Variants in KIF1A observed in about 807,000 individuals in gnomAD.
KIF1A encodes kinesin family member 1A.
KIF1A carries 46 observed loss-of-function variants against 227.3 expected under a neutral mutation model. That is an observed-to-expected ratio of 0.20 (90% CI 0.16 to 0.26). The LOEUF is 0.26. Ranked by LOEUF, KIF1A falls within the 10% of genes least tolerant of loss-of-function variation. The probability of loss-of-function intolerance (pLI) is 1.00; values close to 1 mark genes in which losing one functional copy is unlikely to be tolerated. For synonymous variants in KIF1A, 1,022 were observed against 1,012.8 expected, an observed-to-expected ratio of 1.01 and a Z score of -0.17; for missense variants, 1,683 against 2,485.9, an observed-to-expected ratio of 0.68 and a Z score of 6.87.
In KIF1A at chr2:240,789,263, A is replaced by G. The variant is rs772512390; in HGVS notation, c.156T>C (p.Phe52=). 8.1e-6 allele frequency: 13 copies of G among 1,613,792 alleles called. No individual in the cohort carries two copies. The highest frequency in any genetic ancestry group is 1.0e-5 in the Non-Finnish European group (12 of 1,179,804). Residue 52 remains phenylalanine (F), a synonymous_variant, in exon 3 of 49, where the codon TTT becomes TTC. Coordinates refer to ENST00000498729, the MANE Select transcript of KIF1A (RefSeq NM_001244008.2). The surrounding 1 kb of genome is among the most constrained non-coding windows in gnomAD (Gnocchi z 4.8). Reference sequence around the variant, plus strand: ...AGGTGTGCGACCAGTAGGAGTAGTCAAAGCTGAAGCTTTTGGGCGTCTCCT... The same window carrying G: ...AGGTGTGCGACCAGTAGGAGTAGTCGAAGCTGAAGCTTTTGGGCGTCTCCT... ...QPKETPKSFS[F]DYSYWSHTSP...
At chr2:240,745,343 G>A in intron 32 of KIF1A, 84 bp downstream of exon 32, 1 of 1,082,250 alleles carries the variant, frequency 9.2e-7, no homozygotes, top group East Asian at 2.4e-5. Flanking sequence ...CTGGTGTTCA[G>A]AAGAGGGAGA....
At chr2:240,809,743 G>C (rs1351084280) in intron 1 of KIF1A, among the ~76,000 whole-genome samples, 1 of 147,066 alleles carries the variant, frequency 6.8e-6, no homozygotes, top group South Asian at 2.1e-4. Context: ...ATCTTGGCTC[G>C]CTGCAACCTC....
intron 10 of KIF1A, among the ~76,000 whole-genome samples, chr2:240,777,533 G>A (rs920815194): frequency 8.6e-5 from 13 of 151,878 alleles, no homozygotes; most frequent in African/African-American, 2.7e-4. Context: ...GGACCACCCC[G>A]CTCTCCCGTC....
chr2:240,789,697 C>T lies in KIF1A; in HGVS notation c.107-385G>A, dbSNP rs1247763422. On this transcript the variant is annotated intron_variant, in intron 2 of 48. Coordinates refer to ENST00000498729, the MANE Select transcript of KIF1A (RefSeq NM_001244008.2). This position sits in a 1 kb window ranked among gnomAD's most constrained non-coding sequence, Gnocchi z 4.8. ...CCCCTGCCCTGCCCCGCCCCCTGCT[C>T]AGGCCTTTATGCTCCGGCTCAGCGT... is the stretch of plus-strand genomic sequence containing the variant. Among the ~76,000 whole-genome samples the T allele has an allele frequency of 6.6e-6, 1 of 152,192 alleles. No homozygotes were observed. Among genetic ancestry groups the T allele is most frequent in the African/African-American group, 2.4e-5 (1 of 41,450 alleles).
At chr2:240,765,620 T>C (rs2051074301) in intron 20 of KIF1A, 90 bp downstream of exon 20, 2 of 1,043,642 alleles carry the variant, frequency 1.9e-6, no homozygotes, top group Admixed American at 3.9e-5. Flanking sequence ...TCCCGCACAG[T>C]GCACAGGAGG....
chr2:240,808,855 C>T (rs1309203572), intron 1 of KIF1A, among the ~76,000 whole-genome samples: 5 of 151,918 alleles, frequency 3.3e-5, no homozygotes, highest in South Asian at 2.1e-4. Context: ...CTCAGCCTCC[C>T]GAGTAGTTGG....
chr2:240,721,910 A>G (rs1326241296), intron 43 of KIF1A, 26 bp from the exon 44 acceptor site: 1 of 1,581,492 alleles, frequency 6.3e-7, no homozygotes, highest in Non-Finnish European at 8.6e-7. Context: ...ACGCGTGGTC[A>G]GGGGCCAGGC....
At position 240,766,289 on chromosome 2, in the gene KIF1A, C is replaced by T. The variant is rs2051164934; in HGVS notation, c.1685-496G>A. The stretch of plus-strand genomic sequence containing the variant: ...GCTGGCTGGATGCTGCCGGGAGATG[C>T]CCTTAGCCTGGGCTGTGGGCCATGT... On this transcript the variant is annotated intron_variant, in intron 19 of 48. Transcript: ENST00000498729. This position sits in a 1 kb window ranked among gnomAD's most constrained non-coding sequence, Gnocchi z 5.0. Among the ~76,000 whole-genome samples the T allele has an allele frequency of 6.6e-6, 1 of 152,228 alleles. No homozygotes were observed. The highest frequency in any genetic ancestry group is 2.1e-4 in the South Asian group (1 of 4,828).
At chr2:240,777,624 G>T (rs563850842) in intron 10 of KIF1A, among the ~76,000 whole-genome samples, 22 of 152,212 alleles carry the variant, frequency 1.4e-4, no homozygotes, top group Admixed American at 1.4e-3. Context: ...ACCTGCTCCC[G>T]ACCTATCCGT....
At position 240,739,440 on chromosome 2, in the gene KIF1A, T is replaced by G. The variant is rs2047710546; in HGVS notation, c.3901+618A>C. On this transcript the variant is annotated intron_variant, in intron 37 of 48. Coordinates refer to ENST00000498729, the MANE Select transcript of KIF1A (RefSeq NM_001244008.2). The surrounding 1 kb of genome is among the most constrained non-coding windows in gnomAD (Gnocchi z 5.6). The stretch of plus-strand genomic sequence containing the variant: ...CCCCGAAAAATATACGTGGAAGTCC[T>G]AACCTCCAGGACCTTCAAAGGGGAC... 6.6e-6 allele frequency among the ~76,000 whole-genome samples: 1 copy of G among 152,222 alleles called. No individual in the cohort carries two copies. Among genetic ancestry groups the G allele is most frequent in the Admixed American group, 6.5e-5 (1 of 15,288 alleles).
In KIF1A at chr2:240,775,497, C is replaced by T. The variant is rs539296659; in HGVS notation, c.958+354G>A. 1.3e-5 allele frequency among the ~76,000 whole-genome samples: 2 copies of T among 152,292 alleles called. No homozygotes were observed. Among genetic ancestry groups the T allele is most frequent in the African/African-American group, 2.4e-5 (1 of 41,566 alleles). On this transcript the variant is annotated intron_variant, in intron 11 of 48. Coordinates refer to ENST00000498729, the MANE Select transcript of KIF1A (RefSeq NM_001244008.2). The surrounding 1 kb of genome is among the most constrained non-coding windows in gnomAD (Gnocchi z 5.5). The stretch of plus-strand genomic sequence containing the variant: ...AATCCAGCAAGCAGAGCTCCCAGAT[C>T]GCGTCCCAGGTCCCCGTGACTGATG...
Position 240,758,618 on chromosome 2 carries a change from G to T in KIF1A, c.2445-121C>A, listed in dbSNP as rs1195675211. On this transcript the variant is annotated intron_variant, in intron 25 of 48. Transcript: ENST00000498729. This position sits in a 1 kb window ranked among gnomAD's most constrained non-coding sequence, Gnocchi z 5.2. The stretch of plus-strand genomic sequence containing the variant: ...GCTCTGGCCACCACATCCAGCTCAG[G>T]GTCATCAAGGTCCAGGGGGCTTGCT... The T allele has an allele frequency of 2.9e-6, 3 of 1,023,672 alleles. No homozygotes were observed. Among genetic ancestry groups the T allele is most frequent in the Non-Finnish European group, 2.7e-6 (2 of 754,118 alleles). 63.4% of individuals were successfully genotyped at this position (1,023,672 alleles called of 1,614,324 possible). A position where few individuals can be genotyped will look rare whatever the true frequency, so the allele number is the denominator to read the frequency against.
intron 1 of KIF1A, among the ~76,000 whole-genome samples, chr2:240,800,728 A>C (rs2056893797): frequency 6.6e-6 from 1 of 152,234 alleles, no homozygotes; most frequent in Non-Finnish European, 1.5e-5. Context: ...AGATTTTAAA[A>C]ACCCAAGCTG....
At chr2:240,724,300 A>C in intron 40 of KIF1A, 1 of 525,092 alleles carries the variant, frequency 1.9e-6, no homozygotes, top group Non-Finnish European at 3.5e-6. Context: ...AGCAGCCTCC[A>C]CTTTGTCCCA....
At chr2:240,813,306 C>T (rs1311903130) in intron 1 of KIF1A, among the ~76,000 whole-genome samples, 2 of 152,250 alleles carry the variant, frequency 1.3e-5, no homozygotes, top group Admixed American at 1.3e-4. Context: ...GAGCCCACCA[C>T]ACAGCCCCCA....
chr2:240,733,247 A>G (rs2046958122), intron 38 of KIF1A, among the ~76,000 whole-genome samples: 1 of 152,068 alleles, frequency 6.6e-6, no homozygotes, highest in Non-Finnish European at 1.5e-5. Context: ...TTAGAGCCCA[A>G]GCTGATGGGC....
chr2:240,770,172 C>T (rs1412100297), intron 15 of KIF1A, among the ~76,000 whole-genome samples: 1 of 152,236 alleles, frequency 6.6e-6, no homozygotes, highest in Non-Finnish European at 1.5e-5. Flanking sequence ...TTCCTCACAA[C>T]AGCCTCAGTG....
chr2:240,724,282 GC>G, intron 40 of KIF1A: 1 of 546,624 alleles, frequency 1.8e-6, no homozygotes, highest in East Asian at 3.2e-5. Flanking sequence ...GTGAGGCCAG[GC>G]CCCCACAGCA....
intron 2 of KIF1A, among the ~76,000 whole-genome samples, chr2:240,795,737 C>T (rs7596336): frequency 0.07 from 10,601 of 152,240 alleles, 1,240 homozygotes; most frequent in African/African-American, 0.24. Context: ...TGCAAGGGTG[C>T]CACTCGCCCA....
Sources: gnomAD v4.1 joint callset for allele counts (sites outside exome capture counted in the v4.1 genomes callset) on GRCh38, gnomAD v4.1.1 for gene constraint, Gnocchi (gnomAD v3.1) non-coding constraint, MANE v1.5 for transcripts, NCBI Gene and HGNC (gene_info 2026-07-23, HGNC 2026-07-21) for gene names.